Variants in RMP64 observed in about 807,000 individuals in gnomAD.
RMP64 encodes nucleolus and neural progenitor protein.
chr3:113,011,619 G>C, the RMP64 span: 4 of 396,778 alleles, frequency 1.0e-5, no homozygotes, highest in South Asian at 3.4e-4. Flanking sequence ...CTGTAAGACA[G>C]TCTACCAGGA....
chr3:113,002,474 T>TA, the RMP64 span: 5 of 152,194 alleles, frequency 3.3e-5, no homozygotes, highest in Non-Finnish European at 7.3e-5. Context: ...AATAGGGACT[T>TA]ATGCACAGAA....
chr3:113,011,060 T>C, the RMP64 span: 1 of 1,597,728 alleles, frequency 6.3e-7, no homozygotes, highest in Non-Finnish European at 8.5e-7. Flanking sequence ...AAGACTCTCT[T>C]ATTCTTTACT....
chr3:113,005,625 T>C, the RMP64 span: 1 of 1,613,996 alleles, frequency 6.2e-7, no homozygotes, highest in Admixed American at 1.7e-5. Flanking sequence ...TGCATCACCG[T>C]CCACGAATCA....
At chr3:113,010,792 G>T in the RMP64 span, 2 of 1,118,944 alleles carry the variant, frequency 1.8e-6, no homozygotes, top group Non-Finnish European at 2.6e-6. Context: ...GACATTTCTT[G>T]CCAAATTACC....
the RMP64 span, chr3:113,008,566 A>G: frequency 1.5e-6 from 1 of 678,232 alleles, no homozygotes; most frequent in Non-Finnish European, 2.5e-6. Context: ...AGTGATGGAT[A>G]CCCCATTTAC....
At chr3:113,005,629 C>T in the RMP64 span, 14 of 1,613,482 alleles carry the variant, frequency 8.7e-6, no homozygotes, top group Admixed American at 3.3e-5. Flanking sequence ...TCACCGTCCA[C>T]GAATCAGTTT....
chr3:113,011,632 G>T, the RMP64 span: 1 of 354,550 alleles, frequency 2.8e-6, no homozygotes, highest in Non-Finnish European at 5.1e-6. Context: ...TACCAGGAAA[G>T]ATATATATAT....
At chr3:113,005,099 T>C in the RMP64 span, 1 of 200,360 alleles carries the variant, frequency 5.0e-6, no homozygotes, top group African/African-American at 2.3e-5. Context: ...CGGACCTATG[T>C]ATAATGGAGC....
At chr3:113,015,153 C>T in the RMP64 span, 2 of 152,180 alleles carry the variant, frequency 1.3e-5, no homozygotes, top group Non-Finnish European at 2.9e-5. Flanking sequence ...TCCCATGCTG[C>T]CCTTTGTGTG....
chr3:113,008,658 TA>T, the RMP64 span: 1 of 343,324 alleles, frequency 2.9e-6, no homozygotes, highest in Non-Finnish European at 5.3e-6. Context: ...CCACAAAACC[TA>T]AAAATTAAAA....
chr3:113,013,014 C>G, the RMP64 span: 1 of 611,900 alleles, frequency 1.6e-6, no homozygotes, highest in African/African-American at 1.9e-5. Context: ...AAATTTAGTT[C>G]TTAAAGTTTA....
the RMP64 span, among the ~76,000 whole-genome samples, chr3:113,010,325 C>T: frequency 2.0e-5 from 3 of 152,270 alleles, no homozygotes; most frequent in Admixed American, 1.3e-4. Context: ...AGCCAGGATT[C>T]AAACCAACTG....
the RMP64 span, among the ~76,000 whole-genome samples, chr3:113,006,348 G>T: frequency 6.6e-6 from 1 of 152,154 alleles, no homozygotes; most frequent in Non-Finnish European, 1.5e-5. Flanking sequence ...GTGGACATGA[G>T]GAAACATCAC....
At chr3:113,011,496 A>G in the RMP64 span, 11,674 of 1,224,338 alleles carry the variant, frequency 9.5e-3, 121 homozygotes, top group South Asian at 0.031. Flanking sequence ...CTGAAAATAA[A>G]TGGCTATCAA....
the RMP64 span, chr3:113,012,953 T>C: frequency 1.6e-6 from 1 of 628,394 alleles, no homozygotes; most frequent in East Asian, 2.7e-5. Flanking sequence ...TATTTAAGAA[T>C]TTAAAACTTT....
At chr3:113,016,873 A>G in the RMP64 span, among the ~76,000 whole-genome samples, 6 of 152,356 alleles carry the variant, frequency 3.9e-5, no homozygotes, top group African/African-American at 1.4e-4. Flanking sequence ...TGAGCATATC[A>G]GGAAGCCAGC....
chr3:113,019,310 C>G, the RMP64 span: 8 of 562,216 alleles, frequency 1.4e-5, no homozygotes, highest in African/African-American at 2.0e-5. Flanking sequence ...TTTCATCTCT[C>G]CAGCCAAGCC....
chr3:113,017,522 C>G, the RMP64 span: 2 of 1,614,116 alleles, frequency 1.2e-6, no homozygotes, highest in Non-Finnish European at 1.7e-6. Context: ...CATAACACAT[C>G]TGTTTCTGCA....
the RMP64 span, chr3:113,013,447 A>G: frequency 6.7e-7 from 1 of 1,496,222 alleles, no homozygotes; most frequent in Non-Finnish European, 8.9e-7. Context: ...CTTAAAAAAA[A>G]AGGGTTTTTT....
Sources: gnomAD v4.1 joint callset for allele counts (sites outside exome capture counted in the v4.1 genomes callset) on GRCh38, gnomAD v4.1.1 for gene constraint, MANE v1.5 for transcripts, NCBI Gene and HGNC (gene_info 2026-07-23, HGNC 2026-07-21) for gene names.